Variants in PSD3 observed in about 807,000 individuals in gnomAD.
PSD3 encodes pleckstrin and Sec7 domain containing 3.
Under a neutral mutation model 105.5 loss-of-function variants are expected in PSD3, and 49 were observed. The observed-to-expected ratio is 0.46, with a 90% CI of 0.37 to 0.59. PSD3 has a LOEUF of 0.59. PSD3 is among the 20% of genes least tolerant of loss of function. The pLI is 0.00. For missense variants in PSD3, 1,561 were observed against 1,263.8 expected (o/e 1.24, Z -3.57); for synonymous variants, 557 against 457.8 (o/e 1.22, Z -2.77).
At chr8:18,785,602 C>G (rs1809064998) in intron 8 of PSD3, among the ~76,000 whole-genome samples, 1 of 152,184 alleles carries the variant, frequency 6.6e-6, no homozygotes, top group Non-Finnish European at 1.5e-5. Flanking sequence ...CGGAATGGCA[C>G]TTTTAATTTC....
chr8:18,776,154 A>G (rs1808050222), intron 8 of PSD3, among the ~76,000 whole-genome samples: 1 of 151,672 alleles, frequency 6.6e-6, no homozygotes, highest in South Asian at 2.1e-4. Flanking sequence ...TAAGTTGGCT[A>G]TAAATGCATG....
intron 1 of PSD3, among the ~76,000 whole-genome samples, chr8:19,083,463 C>A (rs17385318): frequency 0.12 from 18,129 of 152,164 alleles, 1,126 homozygotes; most frequent in Non-Finnish European, 0.13. Flanking sequence ...CTGGAAAAGA[C>A]CTTGGAGGCC....
At chr8:18,556,187 C>G (rs757399552) in intron 15 of PSD3, 22 bp downstream of exon 15, 2 of 1,611,054 alleles carry the variant, frequency 1.2e-6, no homozygotes, top group Non-Finnish European at 8.5e-7. Context: ...TCAGCATTTA[C>G]TAACATTTGG....
At chr8:18,586,987 C>A (rs890040187) in intron 12 of PSD3, among the ~76,000 whole-genome samples, 1 of 152,166 alleles carries the variant, frequency 6.6e-6, no homozygotes, top group Admixed American at 6.5e-5. Context: ...GCCCCTGTTA[C>A]ACAGGAGGCC....
intron 1 of PSD3, among the ~76,000 whole-genome samples, chr8:19,029,290 A>G (rs779808364): frequency 2.0e-5 from 3 of 152,118 alleles, no homozygotes; most frequent in East Asian, 1.9e-4. Flanking sequence ...AAACATGAAC[A>G]CTCTATATCC....
intron 1 of PSD3, among the ~76,000 whole-genome samples, chr8:18,976,197 A>G (rs2129472385): frequency 6.6e-6 from 1 of 152,284 alleles, no homozygotes; most frequent in South Asian, 2.1e-4. Flanking sequence ...TAATTTCTTT[A>G]TTTTACAGAG....
At chr8:19,043,247 G>C (rs17384956) in intron 1 of PSD3, among the ~76,000 whole-genome samples, 14,794 of 152,210 alleles carry the variant, frequency 0.097, 911 homozygotes, top group Non-Finnish European at 0.15. Context: ...TGTACATGCA[G>C]AATGACTCCA....
At chr8:18,789,995 A>T (rs1223428611) in intron 8 of PSD3, among the ~76,000 whole-genome samples, 1 of 151,836 alleles carries the variant, frequency 6.6e-6, no homozygotes, top group East Asian at 1.9e-4. Context: ...ACAACTGATT[A>T]AAGCTACCCT....
chr8:18,931,221 A>T (rs1821728689), intron 2 of PSD3, among the ~76,000 whole-genome samples: 1 of 152,072 alleles, frequency 6.6e-6, no homozygotes, highest in African/African-American at 2.4e-5. Context: ...CCAACACACA[A>T]TGTCAATAGT....
intron 13 of PSD3, among the ~76,000 whole-genome samples, chr8:18,573,893 T>C (rs1422788225): frequency 5.9e-5 from 9 of 152,088 alleles, no homozygotes. Context: ...GTAAATATGC[T>C]AAAAAAATCA....
rs566630644 is a variant in PSD3, at chr8:18,780,238, C to T, written c.2083-14700G>A. Among the ~76,000 whole-genome samples, 8 of 152,256 alleles carry T rather than the reference C, an allele frequency of 5.3e-5. No homozygotes were observed. The South Asian group carries it at 1.7e-3, about 32-fold the overall frequency. On this transcript the variant is annotated intron_variant, in intron 8 of 15. Coordinates refer to ENST00000327040, the MANE Select transcript of PSD3 (RefSeq NM_015310.4). ...TCTGATACTAGTGTAGCTACTCATG[C>T]TTGCTTTTGGTTTCTGTTTGCATGG... is the stretch of plus-strand genomic sequence containing the variant.
intron 8 of PSD3, among the ~76,000 whole-genome samples, chr8:18,769,752 C>A (rs1273503241): frequency 6.6e-6 from 1 of 152,196 alleles, no homozygotes; most frequent in Admixed American, 6.5e-5. Flanking sequence ...CCTTTTATGA[C>A]TAGCTTCTTT....
intron 10 of PSD3, among the ~76,000 whole-genome samples, chr8:18,649,957 C>A (rs757957972): frequency 6.6e-6 from 1 of 152,138 alleles, no homozygotes; most frequent in African/African-American, 2.4e-5. Flanking sequence ...ACTTCCTGTA[C>A]GGCCTGAAGA....
intron 1 of PSD3, among the ~76,000 whole-genome samples, chr8:18,997,305 G>C (rs1264121042): frequency 6.6e-6 from 1 of 151,682 alleles, no homozygotes; most frequent in Admixed American, 6.6e-5. Flanking sequence ...CATCCTTCAA[G>C]ATGCACAGGC....
At chr8:18,732,911 T>A (rs1803872441) in intron 9 of PSD3, 1 of 152,076 alleles carries the variant, frequency 6.6e-6, no homozygotes, top group Non-Finnish European at 1.5e-5. Flanking sequence ...AAAGATAAGA[T>A]GACCGGGACG....
Position 18,556,202 on chromosome 8 carries a change from A to C in PSD3, c.2928+7T>G. On this transcript the variant is annotated splice_region_variant and intron_variant, in intron 15 of 15. Transcript: ENST00000327040. ...TCAGCATTTACTAACATTTGGGTGC[A>C]ACACACCTCAAACTCCAGATAGTGG... The C allele has an allele frequency of 6.2e-7, 1 of 1,613,464 alleles. No homozygotes were observed. Among genetic ancestry groups the C allele is most frequent in the Non-Finnish European group, 8.5e-7 (1 of 1,179,728 alleles).
intron 14 of PSD3, among the ~76,000 whole-genome samples, chr8:18,556,580 T>C (rs1801089718): frequency 6.6e-6 from 1 of 152,192 alleles, no homozygotes; most frequent in Non-Finnish European, 1.5e-5. Context: ...AGGTCCCTTG[T>C]CATAAAACCA....
chr8:18,745,039 C>G (rs1055921530), intron 9 of PSD3, among the ~76,000 whole-genome samples: 6 of 152,150 alleles, frequency 3.9e-5, no homozygotes, highest in Non-Finnish European at 7.3e-5. Flanking sequence ...GTGATGTTAT[C>G]TTCTCCTTTA....
At chr8:19,034,192 A>C (rs1827870057) in intron 1 of PSD3, among the ~76,000 whole-genome samples, 1 of 152,200 alleles carries the variant, frequency 6.6e-6, no homozygotes, top group Non-Finnish European at 1.5e-5. Context: ...AGTTCAGGAT[A>C]AAAGTCTACA....
Sources: allele counts gnomAD v4.1 joint callset (sites outside exome capture counted in the v4.1 genomes callset), GRCh38; gene constraint gnomAD v4.1.1; transcripts MANE v1.5; gene names NCBI Gene and HGNC (gene_info 2026-07-23, HGNC 2026-07-21).